The following MCF2L2 variants were observed in gnomAD, a reference collection of about 807,000 sequenced individuals.
MCF2L2 encodes the protein MCF.2 cell line derived transforming sequence-like 2, also known as probable guanine nucleotide exchange factor MCF2L2.
A neutral mutation model predicts 150.2 loss-of-function variants in MCF2L2; 102 were observed. The observed-to-expected ratio is 0.68, with a 90% confidence interval of 0.58 to 0.80. The LOEUF is 0.80. MCF2L2 is among the 30% of genes least tolerant of loss of function. The pLI, the probability that MCF2L2 is intolerant of heterozygous loss-of-function variation, is 0.00. For synonymous variants in MCF2L2, 465 were observed against 491.3 expected (o/e 0.95, Z 0.71); for missense variants, 1,256 against 1,372.8 (o/e 0.91, Z 1.34).
intron 27 of MCF2L2, among the ~76,000 whole-genome samples, chr3:183,192,331 G>T (rs367621715): frequency 1.3e-5 from 2 of 152,040 alleles, no homozygotes; most frequent in African/African-American, 4.8e-5. Flanking sequence ...TAGAGACAAG[G>T]TTTCACCATC....
chr3:183,195,745 C>A (rs2108637491), intron 25 of MCF2L2, among the ~76,000 whole-genome samples: 1 of 152,264 alleles, frequency 6.6e-6, no homozygotes, highest in Admixed American at 6.5e-5. Flanking sequence ...GCATAAAAGC[C>A]AAATTCCTCG....
chr3:183,217,993 TA>T (rs1200775901), intron 21 of MCF2L2, among the ~76,000 whole-genome samples: 4 of 152,332 alleles, frequency 2.6e-5, no homozygotes, highest in African/African-American at 9.6e-5. Context: ...TAAATACACA[TA>T]AAAAAATTTT....
At chr3:183,400,515 C>T (rs1246816918) in intron 1 of MCF2L2, 3 of 455,930 alleles carry the variant, frequency 6.6e-6, no homozygotes, top group Non-Finnish European at 1.3e-5. Flanking sequence ...AACGGCGCCA[C>T]CTCGCTCGCT....
intron 4 of MCF2L2, 21 bp from the exon 5 acceptor site, chr3:183,338,940 G>C (rs1233052030): frequency 6.3e-7 from 1 of 1,589,014 alleles, no homozygotes; most frequent in South Asian, 1.1e-5. Flanking sequence ...CAGGAAAAGT[G>C]TCAGGAGGAG....
intron 2 of MCF2L2, among the ~76,000 whole-genome samples, chr3:183,388,081 GT>G (rs1342127294): frequency 6.6e-6 from 1 of 152,022 alleles, no homozygotes; most frequent in Admixed American, 6.5e-5. Context: ...ACCAGTTCAT[GT>G]TTTTTTCTAT....
rs1198711305 is a variant in MCF2L2 at position 183,333,075 on chromosome 3, C to T, written c.486+5725G>A. Among the ~76,000 whole-genome samples the T allele has an allele frequency of 3.3e-5, 5 of 152,156 alleles. No individual in the cohort carries two copies. The South Asian group carries it at 6.2e-4, about 19-fold the overall frequency. On this transcript the variant is annotated intron_variant, in intron 5 of 29. Transcript: ENST00000328913. ...TTTTATTTATTTTTTGAGACAGAGC[C>T]TTGCTCTGTCGCCCAGGTTGGAGTG...
chr3:183,219,623 T>A (rs761475296), intron 21 of MCF2L2, among the ~76,000 whole-genome samples: 5 of 143,266 alleles, frequency 3.5e-5, no homozygotes, highest in African/African-American at 1.0e-4. Context: ...AAAAAAAAAA[T>A]TATGTGGAAG....
intron 15 of MCF2L2, chr3:183,265,213 C>T (rs1427088038): frequency 1.3e-5 from 2 of 152,220 alleles, no homozygotes; most frequent in Non-Finnish European, 2.9e-5. Context: ...CAAGGTTACA[C>T]AATAAATCTG....
At chr3:183,420,605 A>G (rs1715831276) in intron 1 of MCF2L2, among the ~76,000 whole-genome samples, 1 of 152,210 alleles carries the variant, frequency 6.6e-6, no homozygotes, top group Non-Finnish European at 1.5e-5. Context: ...TCTCAAAAAA[A>G]GAAAAAAGAT....
chr3:183,346,600 C>T (rs185902109), intron 3 of MCF2L2, among the ~76,000 whole-genome samples: 128 of 152,114 alleles, frequency 8.4e-4, no homozygotes, highest in East Asian at 5.8e-4. Context: ...GTATTCAAAT[C>T]GGAAGAGAGG....
At chr3:183,406,418 A>G (rs1009917801) in intron 1 of MCF2L2, among the ~76,000 whole-genome samples, 2 of 152,184 alleles carry the variant, frequency 1.3e-5, no homozygotes, top group Admixed American at 1.3e-4. Flanking sequence ...TCATTTGAGT[A>G]TTTTATTACT....
intron 1 of MCF2L2, among the ~76,000 whole-genome samples, chr3:183,427,484 C>T (rs923935192): frequency 6.6e-6 from 1 of 152,164 alleles, no homozygotes; most frequent in African/African-American, 2.4e-5. Flanking sequence ...ATAAACAAGC[C>T]TTCAGTGGCG....
chr3:183,228,446 AG>A, intron 17 of MCF2L2, 80 bp from the exon 18 acceptor site: 2 of 879,364 alleles, frequency 2.3e-6, no homozygotes, highest in Non-Finnish European at 3.6e-6. Context: ...CAATCACATA[AG>A]GTTTCAAGAG....
intron 14 of MCF2L2, among the ~76,000 whole-genome samples, chr3:183,282,284 T>C (rs1338335106): frequency 6.6e-6 from 1 of 151,984 alleles, no homozygotes; most frequent in Admixed American, 6.6e-5. Flanking sequence ...GTTCATGCCA[T>C]TCTCCTGCCT....
At position 183,244,019 on chromosome 3, in the gene MCF2L2, G is replaced by A. The variant is rs192734011; in HGVS notation, c.1863-13002C>T. On this transcript the variant is annotated intron_variant, in intron 15 of 29. Transcript: ENST00000328913. ...GGCACCTGTAGTCCCAGCTACTCGG[G>A]AGGCTGAGGCAGGAGAATGGCATGA... Among the ~76,000 whole-genome samples, 237 of 152,222 alleles carry A rather than the reference G, an allele frequency of 1.6e-3. 1 individual carries two copies. Among genetic ancestry groups the A allele is most frequent in the African/African-American group, 5.5e-3 (227 of 41,514 alleles).
In MCF2L2 at chr3:183,281,040, G is replaced by A. The variant is rs189241100; in HGVS notation, c.1777-4083C>T. ...CTTCTTTGTTTAAAGCATAGAGAATGATAATAAAATGTTAAAGGTTCAGCA... is the reference window on the plus strand; with the variant it reads ...CTTCTTTGTTTAAAGCATAGAGAATAATAATAAAATGTTAAAGGTTCAGCA... On this transcript the variant is annotated intron_variant, in intron 14 of 29. Coordinates refer to ENST00000328913, the MANE Select transcript of MCF2L2 (RefSeq NM_015078.4). Among the ~76,000 whole-genome samples, 8 of 152,036 alleles carry A rather than the reference G, an allele frequency of 5.3e-5. 1 individual carries two copies. Among genetic ancestry groups the A allele is most frequent in the African/African-American group, 1.9e-4 (8 of 41,440 alleles).
chr3:183,391,529 C>T (rs1469936678), intron 1 of MCF2L2, among the ~76,000 whole-genome samples: 1 of 152,126 alleles, frequency 6.6e-6, no homozygotes, highest in African/African-American at 2.4e-5. Flanking sequence ...CAAATTGAAG[C>T]ATTTAACAGT....
intron 3 of MCF2L2, chr3:183,378,353 C>T (rs74903905): frequency 0.049 from 7,502 of 152,386 alleles, 257 homozygotes; most frequent in East Asian, 0.071. Flanking sequence ...GTTTAGACCC[C>T]GCTCTGCCCC....
At chr3:183,394,529 T>C (rs1387094250) in intron 1 of MCF2L2, among the ~76,000 whole-genome samples, 2 of 152,258 alleles carry the variant, frequency 1.3e-5, no homozygotes, top group Non-Finnish European at 2.9e-5. Flanking sequence ...TGCATTTCAC[T>C]GCTCTGTTTT....
Sources: allele counts gnomAD v4.1 joint callset (sites outside exome capture counted in the v4.1 genomes callset), GRCh38; gene constraint gnomAD v4.1.1; transcripts MANE v1.5; gene names NCBI Gene and HGNC (gene_info 2026-07-23, HGNC 2026-07-21).